Variants in HLF observed in about 807,000 individuals in gnomAD.
HLF encodes hepatic leukemia factor.
Under a neutral mutation model 22.6 loss-of-function variants are expected in HLF, and 3 were observed. The ratio of observed to expected loss-of-function variants is 0.13; its 90% CI spans 0.06 to 0.34. The LOEUF is 0.34. Ranked by LOEUF, HLF falls within the 10% of genes least tolerant of loss-of-function variation. The probability of loss-of-function intolerance (pLI) is 1.00; values close to 1 mark genes in which losing one functional copy is unlikely to be tolerated. For synonymous variants in HLF, 151 were observed against 151.8 expected, an observed-to-expected ratio of 0.99 and a Z score of 0.04; for missense variants, 299 against 389.2, an observed-to-expected ratio of 0.77 and a Z score of 1.95.
At chr17:55,272,638 G>T (rs1255314805) in intron 2 of HLF, 1 of 152,242 alleles carries the variant, frequency 6.6e-6, no homozygotes, top group Non-Finnish European at 1.5e-5. Flanking sequence ...TTTGTATTCT[G>T]TTTCTGCCGA....
chr17:55,288,015 C>T (rs2081021162), intron 2 of HLF, among the ~76,000 whole-genome samples: 1 of 152,210 alleles, frequency 6.6e-6, no homozygotes, highest in Non-Finnish European at 1.5e-5. Context: ...TAGTATGATG[C>T]ACGCCTTTGG....
intron 2 of HLF, among the ~76,000 whole-genome samples, chr17:55,298,365 A>G (rs1430098731): frequency 2.6e-5 from 4 of 152,166 alleles, no homozygotes; most frequent in Non-Finnish European, 5.9e-5. Context: ...CTGAAAGAAG[A>G]CGCATGGAAC....
At chr17:55,310,529 C>T (rs1944204063) in intron 2 of HLF, among the ~76,000 whole-genome samples, 1 of 152,154 alleles carries the variant, frequency 6.6e-6, no homozygotes, top group South Asian at 2.1e-4. Flanking sequence ...ATTGAAGGAT[C>T]TGAAGAATTA....
chr17:55,287,614 C>T (rs2081017701), intron 2 of HLF, among the ~76,000 whole-genome samples: 1 of 152,228 alleles, frequency 6.6e-6, no homozygotes, highest in Admixed American at 6.5e-5. Flanking sequence ...TGTGTCTGGA[C>T]TACTTTGAGA....
chr17:55,319,982 C>G (rs1215476971), intron 3 of HLF, among the ~76,000 whole-genome samples: 2 of 152,152 alleles, frequency 1.3e-5, no homozygotes, highest in Non-Finnish European at 2.9e-5. Flanking sequence ...AGTGGCATAT[C>G]ATATGAACAT....
intron 2 of HLF, among the ~76,000 whole-genome samples, chr17:55,301,631 A>G (rs2081158107): frequency 6.6e-6 from 1 of 152,246 alleles, no homozygotes; most frequent in African/African-American, 2.4e-5. Flanking sequence ...AAAGCAGACC[A>G]TTGGCTTAAG....
chr17:55,267,251 AAAG>A (rs1164322416), intron 1 of HLF, among the ~76,000 whole-genome samples: 2 of 152,212 alleles, frequency 1.3e-5, no homozygotes, highest in African/African-American at 4.8e-5. Flanking sequence ...ACATGATGTT[AAAG>A]AAGGGTGGAA....
At chr17:55,274,384 G>T (rs985473162) in intron 2 of HLF, among the ~76,000 whole-genome samples, 3 of 152,156 alleles carry the variant, frequency 2.0e-5, no homozygotes, top group African/African-American at 7.2e-5. Context: ...GTGTGGGTGA[G>T]AATATTGGTC....
intron 2 of HLF, among the ~76,000 whole-genome samples, chr17:55,299,371 G>C (rs932653144): frequency 2.6e-5 from 4 of 152,098 alleles, no homozygotes; most frequent in African/African-American, 9.7e-5. Flanking sequence ...ATCTCTACGG[G>C]CATTTTCACC....
chr17:55,277,003 G>A (rs1052653932), intron 2 of HLF, among the ~76,000 whole-genome samples: 1 of 152,084 alleles, frequency 6.6e-6, no homozygotes, highest in African/African-American at 2.4e-5. Context: ...CAGGGTTTAG[G>A]TTTCATTTAT....
At chr17:55,299,937 A>G (rs2081142298) in intron 2 of HLF, among the ~76,000 whole-genome samples, 1 of 151,962 alleles carries the variant, frequency 6.6e-6, no homozygotes, top group Admixed American at 6.6e-5. Context: ...GGCTCAAGCG[A>G]TCCTCCCACC....
intron 2 of HLF, among the ~76,000 whole-genome samples, chr17:55,282,464 G>T (rs1475724394): frequency 6.6e-6 from 1 of 152,186 alleles, no homozygotes; most frequent in Non-Finnish European, 1.5e-5. Context: ...ATAGAAAACT[G>T]ACCAAACAGT....
chr17:55,320,605 C>T lies in HLF; in HGVS notation c.673-59C>T. 6.5e-7 allele frequency: 1 copy of T among 1,530,082 alleles called. No homozygotes were observed. Among genetic ancestry groups the T allele is most frequent in the Non-Finnish European group, 9.0e-7 (1 of 1,115,156 alleles). The allele number at this position is 1,530,082 out of a possible 1,614,324, so 94.8% of individuals were successfully genotyped here. A position where few individuals can be genotyped will look rare whatever the true frequency, so the allele number is the denominator to read the frequency against. Reference sequence around the variant, plus strand: ...GAGCCTGCCCGTGCCCTGGCTGGCACTGGGCTTTGCTGAAATCTAATATCT... The same window carrying T: ...GAGCCTGCCCGTGCCCTGGCTGGCATTGGGCTTTGCTGAAATCTAATATCT... On this transcript the variant is annotated intron_variant, in intron 3 of 3. Coordinates refer to ENST00000226067, the MANE Select transcript of HLF (RefSeq NM_002126.5). This position sits in a 1 kb window ranked among gnomAD's most constrained non-coding sequence, Gnocchi z 4.2.
At chr17:55,286,490 A>G (rs1296856175) in intron 2 of HLF, among the ~76,000 whole-genome samples, 2 of 151,998 alleles carry the variant, frequency 1.3e-5, no homozygotes, top group African/African-American at 2.4e-5. Flanking sequence ...CAGCTCCTCT[A>G]TTGTCTGTTC....
chr17:55,295,540 A>T (rs1455670990), intron 2 of HLF, among the ~76,000 whole-genome samples: 1 of 152,256 alleles, frequency 6.6e-6, no homozygotes, highest in African/African-American at 2.4e-5. Flanking sequence ...CAACAGAACC[A>T]CACGTCTCAA....
intron 3 of HLF, among the ~76,000 whole-genome samples, chr17:55,316,259 A>G (rs1368646066): frequency 1.3e-5 from 2 of 152,176 alleles, no homozygotes; most frequent in Admixed American, 6.5e-5. Context: ...CTTCTTTCCA[A>G]TCATGTGGGT....
At position 55,265,418 on chromosome 17, in the gene HLF, C is replaced by T; in HGVS notation, c.-67C>T. On this transcript the variant is annotated 5_prime_UTR_variant, in exon 1 of 4. Coordinates refer to ENST00000226067, the MANE Select transcript of HLF (RefSeq NM_002126.5). ...AAAGGACGGAGGAAAAGCTCAGCAACATTTTAGGGGGCGGTTGTTTCTTTC... is the reference window on the plus strand; with the variant it reads ...AAAGGACGGAGGAAAAGCTCAGCAATATTTTAGGGGGCGGTTGTTTCTTTC... 1 of 938,134 alleles carries T rather than the reference C, an allele frequency of 1.1e-6. No individual in the cohort carries two copies. The highest frequency in any genetic ancestry group is 1.7e-6 in the Non-Finnish European group (1 of 598,234). 58.1% of individuals were successfully genotyped at this position (938,134 alleles called of 1,614,324 possible).
intron 2 of HLF, chr17:55,271,390 T>C (rs2080856101): frequency 6.6e-6 from 1 of 152,248 alleles, no homozygotes. Context: ...CTATGCTCCG[T>C]TGTGGTGTTA....
intron 1 of HLF, 174 bp downstream of exon 1, chr17:55,265,773 T>C: frequency 7.8e-7 from 1 of 1,283,020 alleles, no homozygotes; most frequent in Non-Finnish European, 1.0e-6. Flanking sequence ...CTCCCCTTCC[T>C]CCTCCTCCAT....
Sources: allele counts gnomAD v4.1 joint callset (sites outside exome capture counted in the v4.1 genomes callset), GRCh38; gene constraint gnomAD v4.1.1; non-coding constraint Gnocchi (gnomAD v3.1); transcripts MANE v1.5; gene names NCBI Gene and HGNC (gene_info 2026-07-23, HGNC 2026-07-21).